The following CAPN10 variants were observed in gnomAD, a reference collection of about 807,000 sequenced individuals.
CAPN10 encodes calpain 10.
A neutral mutation model predicts 78.4 loss-of-function variants in CAPN10; 71 were observed. That is an observed-to-expected ratio of 0.91 (90% CI 0.75 to 1.10). The LOEUF (loss-of-function observed/expected upper bound fraction) is 1.10. CAPN10 is among the 50% of genes least tolerant of loss of function. CAPN10 has a pLI of 0.00. For synonymous variants in CAPN10, 437 were observed against 407.2 expected (o/e 1.07, Z -0.88); for missense variants, 849 against 924.6 (o/e 0.92, Z 1.06).
chr2:240,597,587 C>T (rs1405321268), intron 9 of CAPN10, among the ~76,000 whole-genome samples: 2 of 152,194 alleles, frequency 1.3e-5, no homozygotes, highest in African/African-American at 4.8e-5. Context: ...TCCCCTAGAG[C>T]TCTGAGGAAA....
intron 2 of CAPN10, chr2:240,590,399 A>G (rs1467662465): frequency 3.2e-5 from 5 of 157,346 alleles, no homozygotes; most frequent in African/African-American, 1.2e-4. Flanking sequence ...ATGCCCTTGA[A>G]TGTCACATTT....
Position 240,596,446 on chromosome 2 carries a change from TC to T in CAPN10, c.1410del (p.Ser471AlafsTer4), listed in dbSNP as rs1394605097. 1.2e-6 allele frequency: 2 copies of T among 1,613,414 alleles called. No homozygotes were observed. Among genetic ancestry groups the T allele is most frequent in the Non-Finnish European group, 1.7e-6 (2 of 1,179,818 alleles). The stretch of plus-strand genomic sequence containing the variant: ...CTCTCACCGGGCTACTACCTGGCTG[TC>T]CCCAGCACCTTCCTGAAGGACGCGC... ...CELSPGYYLA[V>X]PSTFLKDAPG... On this transcript the variant is annotated frameshift_variant, in exon 8 of 12. Transcript: ENST00000391984. LOFTEE classifies it high-confidence loss of function.
chr2:240,590,167 G>T (rs777905783), intron 2 of CAPN10: 1 of 152,172 alleles, frequency 6.6e-6, no homozygotes, highest in African/African-American at 2.4e-5. Flanking sequence ...GTTTCTGGCC[G>T]TAAAGTGGCA....
intron 6 of CAPN10, 58 bp from the exon 7 acceptor site, chr2:240,594,966 G>C: frequency 6.3e-7 from 1 of 1,578,746 alleles, no homozygotes; most frequent in Non-Finnish European, 8.6e-7. Flanking sequence ...AGGCCACCAT[G>C]GCGGGAGGCC....
At chr2:240,597,468 C>G (rs2093144269) in intron 9 of CAPN10, among the ~76,000 whole-genome samples, 1 of 152,196 alleles carries the variant, frequency 6.6e-6, no homozygotes, top group Non-Finnish European at 1.5e-5. Context: ...GACATGTGTC[C>G]CCTGGAATGC....
intron 4 of CAPN10, 63 bp from the exon 5 acceptor site, chr2:240,593,843 T>G (rs376908148): frequency 4.6e-6 from 7 of 1,524,674 alleles, no homozygotes; most frequent in Admixed American, 1.9e-5. Flanking sequence ...GGCCTGTGTG[T>G]CCTTGTCAGT....
chr2:240,590,845 G>A lies in CAPN10; in HGVS notation c.304G>A (p.Asp102Asn), dbSNP rs959809930. 13 of 1,614,036 alleles carry A rather than the reference G, an allele frequency of 8.1e-6. No homozygotes were observed. Among genetic ancestry groups the A allele is most frequent in the African/African-American group, 2.7e-5 (2 of 74,944 alleles). ...TCCTCCGGGACAGCCGAGCTGGGCC[G>A]ACCAGGAGTACCGGGGCTCCTTCAC... ...VIPPGQPSWA[D>N]QEYRGSFTCR... The change falls in exon 3 of 12, where the codon GAC becomes AAC. Residue 102 changes from aspartate to asparagine, a missense_variant. Physicochemically the swap from Asp to Asn is conservative, Grantham distance 23. Transcript: ENST00000391984.
intron 11 of CAPN10, 72 bp downstream of exon 11, chr2:240,598,469 C>T: frequency 2.6e-6 from 4 of 1,556,406 alleles, no homozygotes; most frequent in Non-Finnish European, 3.5e-6. Flanking sequence ...TACCTGCAAC[C>T]TCAGGCAGGT....
In CAPN10 at chr2:240,589,226, A is replaced by G. The variant is rs963694367; in HGVS notation, c.142-117A>G. ...ACCACCTTCCTGTCCCTTTTTGGGT[A>G]ACACTGATGATCGGAAAAGCTCCAC... On this transcript the variant is annotated intron_variant, in intron 1 of 11. Coordinates refer to ENST00000391984, the MANE Select transcript of CAPN10 (RefSeq NM_023083.4). 4.6e-5 allele frequency: 62 copies of G among 1,348,542 alleles called. 1 individual carries two copies. The highest frequency in any genetic ancestry group is 6.2e-5 in the Non-Finnish European group (59 of 947,352). The allele number at this position is 1,348,542 out of a possible 1,614,324, so 83.5% of individuals were successfully genotyped here.
intron 1 of CAPN10, among the ~76,000 whole-genome samples, chr2:240,588,665 A>G (rs2093082953): frequency 6.6e-6 from 1 of 152,208 alleles, no homozygotes; most frequent in African/African-American, 2.4e-5. Flanking sequence ...CAGAAGCTAG[A>G]GGAGCCTGTG....
At chr2:240,595,960 C>G (rs1305865984) in intron 7 of CAPN10, 1 of 1,362,880 alleles carries the variant, frequency 7.3e-7, no homozygotes, top group Admixed American at 2.2e-5. Flanking sequence ...CCACACTGTT[C>G]CCTGTCCCTT....
In CAPN10 at chr2:240,591,001, G is replaced by A; in HGVS notation, c.460G>A (p.Val154Ile). 4 of 1,613,942 alleles carry A rather than the reference G, an allele frequency of 2.5e-6. No homozygotes were observed. Among genetic ancestry groups the A allele is most frequent in the Non-Finnish European group, 3.4e-6 (4 of 1,179,920 alleles). ...GTTCTGGCTCCCCTTACTGGAAAAG[G>A]TCTACGCCAAGTGCGTGTGCTGGGG... is the stretch of plus-strand genomic sequence containing the variant. ...DVFWLPLLEK[V>I]YAKVHGSYEH... The change falls in exon 3 of 12, where the codon GTC (valine) becomes ATC (isoleucine). Residue 154 changes from valine (V) to isoleucine (I), a missense_variant. Coordinates refer to ENST00000391984, the MANE Select transcript of CAPN10 (RefSeq NM_023083.4).
Position 240,592,088 on chromosome 2 carries a change from G to T in CAPN10, c.626G>T (p.Arg209Leu). 6.3e-7 allele frequency: 1 copy of T among 1,598,694 alleles called. No homozygotes were observed. The change falls in exon 4 of 12, where the codon CGG (arginine) becomes CTG (leucine). Residue 209 changes from arginine (R) to leucine (L), a missense_variant. By Grantham distance (102) the Arg-to-Leu change is moderately radical. Coordinates refer to ENST00000391984, the MANE Select transcript of CAPN10 (RefSeq NM_023083.4). ...RPGRWEHRTCRQLLHLKDQCL... is the reference protein window; with the variant it reads ...RPGRWEHRTCLQLLHLKDQCL... ...GGCCGCTGGGAGCACAGGACTTGTC[G>T]GCAGCTGCTCCACCTGAAGGACCAG... is the stretch of plus-strand genomic sequence containing the variant.
chr2:240,591,691 A>T (rs967482342), intron 3 of CAPN10: 2 of 567,184 alleles, frequency 3.5e-6, no homozygotes, highest in Non-Finnish European at 6.3e-6. Context: ...CCCACACCGG[A>T]TGCCAGAGAG....
In CAPN10 at chr2:240,591,004, T is replaced by C; in HGVS notation, c.463T>C (p.Tyr155His). Residue 155 changes from tyrosine (Y) to histidine (H), a missense_variant, in exon 3 of 12, where the codon TAC becomes CAC. Tyr to His is a moderately conservative substitution (Grantham distance 83). Transcript: ENST00000391984. Reference sequence around the variant, plus strand: ...CTGGCTCCCCTTACTGGAAAAGGTCTACGCCAAGTGCGTGTGCTGGGGGCT... The same window carrying C: ...CTGGCTCCCCTTACTGGAAAAGGTCCACGCCAAGTGCGTGTGCTGGGGGCT... Reference protein sequence around the residue: ...VFWLPLLEKVYAKVHGSYEHL... With the variant: ...VFWLPLLEKVHAKVHGSYEHL... 4 of 1,613,906 alleles carry C rather than the reference T, an allele frequency of 2.5e-6. No individual in the cohort carries two copies. Among genetic ancestry groups the C allele is most frequent in the Non-Finnish European group, 2.5e-6 (3 of 1,179,866 alleles).
chr2:240,593,845 C>G, intron 4 of CAPN10, 61 bp from the exon 5 acceptor site: 1 of 1,526,038 alleles, frequency 6.6e-7, no homozygotes, highest in Non-Finnish European at 8.9e-7. Context: ...CCTGTGTGTC[C>G]TTGTCAGTTT....
intron 3 of CAPN10, 101 bp downstream of exon 3, chr2:240,591,112 G>C (rs564040924): frequency 9.3e-7 from 1 of 1,071,994 alleles, no homozygotes; most frequent in African/African-American, 1.6e-5. Flanking sequence ...GGGCTGCAGA[G>C]CCCCCTTCAG....
rs1292392300 is a variant in CAPN10 at position 240,599,085 on chromosome 2, A to G, written c.*405A>G. 4.6e-6 allele frequency: 1 copy of G among 215,242 alleles called. No homozygotes were observed. The highest frequency in any genetic ancestry group is 1.1e-4 in the South Asian group (1 of 8,994). 13.3% of individuals were successfully genotyped at this position (215,242 alleles called of 1,614,324 possible). On this transcript the variant is annotated 3_prime_UTR_variant, in exon 12 of 12. Transcript: ENST00000391984. ...TTAGGATGTAACTTTATAAATAAAC[A>G]TGAGCGCTGATGATTTGCAGATCAG...
chr2:240,591,316 T>A (rs988928712), intron 3 of CAPN10: 3 of 350,966 alleles, frequency 8.5e-6, no homozygotes, highest in African/African-American at 6.2e-5. Context: ...AAGATGCTTC[T>A]TTATATTTGT....
Sources: allele counts gnomAD v4.1 joint callset (sites outside exome capture counted in the v4.1 genomes callset), GRCh38; gene constraint gnomAD v4.1.1; transcripts MANE v1.5; gene names NCBI Gene and HGNC (gene_info 2026-07-23, HGNC 2026-07-21).